The following STK32C variants were observed in gnomAD, a reference collection of about 807,000 sequenced individuals.
STK32C encodes the protein serine/threonine kinase 32C.
In STK32C, 31 loss-of-function variants were observed where a neutral mutation model predicts 56.5. That is an observed-to-expected ratio of 0.55 (90% CI 0.41 to 0.74). The LOEUF is 0.74. Among genes scored for constraint, STK32C ranks in the 30% least tolerant of loss-of-function variants. The pLI, the probability that STK32C is intolerant of heterozygous loss-of-function variation, is 0.00. For missense variants in STK32C, 544 were observed against 676.9 expected (o/e 0.80, Z 2.18); for synonymous variants, 309 against 289.4 (o/e 1.07, Z -0.69).
At chr10:132,318,286 A>G (rs2138450166) in intron 1 of STK32C, among the ~76,000 whole-genome samples, 1 of 149,444 alleles carries the variant, frequency 6.7e-6, no homozygotes, top group Non-Finnish European at 1.5e-5. Context: ...AGAGAGAGAG[A>G]GAGAGAAAGA....
chr10:132,256,060 C>T (rs1320741009), intron 1 of STK32C, among the ~76,000 whole-genome samples: 3 of 152,214 alleles, frequency 2.0e-5, no homozygotes, highest in South Asian at 2.1e-4. Flanking sequence ...CTTCCAGCCT[C>T]GGGGAGCCAA....
chr10:132,258,410 C>T (rs1290530707), intron 1 of STK32C, among the ~76,000 whole-genome samples: 1 of 152,246 alleles, frequency 6.6e-6, no homozygotes, highest in Non-Finnish European at 1.5e-5. Flanking sequence ...GCCCTGGCCG[C>T]CCCCCATCAC....
intron 1 of STK32C, among the ~76,000 whole-genome samples, chr10:132,286,368 C>T (rs2065404678): frequency 6.6e-6 from 1 of 152,190 alleles, no homozygotes. Flanking sequence ...TGGAAAAACA[C>T]CACCAACCTT....
At chr10:132,218,403 C>G (rs1193455771) in intron 10 of STK32C, among the ~76,000 whole-genome samples, 1 of 152,048 alleles carries the variant, frequency 6.6e-6, no homozygotes, top group Non-Finnish European at 1.5e-5. Context: ...AATTTTAAAA[C>G]ATTTGGATAG....
chr10:132,242,611 G>A (rs1002130034), intron 2 of STK32C, among the ~76,000 whole-genome samples: 14 of 152,054 alleles, frequency 9.2e-5, no homozygotes, highest in Admixed American at 5.2e-4. Flanking sequence ...CTGCTTCTCC[G>A]AGGGCCCTGT....
At chr10:132,324,285 G>A (rs971333840) in exon 2 of STK32C, 20 of 779,602 alleles carry the variant, frequency 2.6e-5, no homozygotes, top group Non-Finnish European at 4.5e-5. Context: ...CTTTTTCATG[G>A]CAGCCTGAAG....
intron 1 of STK32C, among the ~76,000 whole-genome samples, chr10:132,254,106 G>A (rs1001484680): frequency 5.3e-5 from 8 of 152,162 alleles, no homozygotes; most frequent in African/African-American, 9.7e-5. Flanking sequence ...TCAGGAGATC[G>A]AGACCATCCT....
downstream of STK32C, among the ~76,000 whole-genome samples, chr10:132,321,931 TG>T (rs1426243781): frequency 6.6e-6 from 1 of 152,176 alleles, no homozygotes; most frequent in Non-Finnish European, 1.5e-5. Context: ...GCTTCTCTAC[TG>T]GAGTCCAAAG....
intron 1 of STK32C, among the ~76,000 whole-genome samples, chr10:132,291,164 A>T (rs748096616): frequency 6.6e-6 from 1 of 152,256 alleles, no homozygotes; most frequent in Non-Finnish European, 1.5e-5. Context: ...TGAACCTTCC[A>T]ATTAGCTCGG....
intron 1 of STK32C, among the ~76,000 whole-genome samples, chr10:132,305,181 G>T (rs1410341018): frequency 1.3e-5 from 2 of 152,206 alleles, no homozygotes; most frequent in Non-Finnish European, 2.9e-5. Flanking sequence ...GTGAGGGGCT[G>T]AGGGGAAGGA....
chr10:132,265,154 GAGC>G lies in STK32C; in HGVS notation c.263-19202_263-19200del, dbSNP rs1565125691. Among the ~76,000 whole-genome samples, 173 of 138,992 alleles carry G rather than the reference GAGC, an allele frequency of 1.2e-3. 3 individuals carry two copies. The highest frequency in any genetic ancestry group is 4.1e-3 in the African/African-American group (160 of 38,704). The allele number at this position is 138,992 out of a possible 152,430, so 91.2% of individuals were successfully genotyped here. A position where few individuals can be genotyped will look rare whatever the true frequency, so the allele number is the denominator to read the frequency against. ...AAGGGCAGTGAGGTGGGCTCTGGGG[GAGC>G]TGCCAGGGCGGCGAGGTGGCTCTGG... is the stretch of plus-strand genomic sequence containing the variant. On this transcript the variant is annotated intron_variant, in intron 1 of 11. Transcript: ENST00000298630.
intron 1 of STK32C, among the ~76,000 whole-genome samples, chr10:132,260,379 G>A (rs1423468285): frequency 1.3e-5 from 2 of 152,022 alleles, no homozygotes; most frequent in East Asian, 3.9e-4. Context: ...AGGAGGCCAA[G>A]CCGGAGCCAG....
At chr10:132,328,978 C>T (rs181065357) in intron 1 of STK32C, among the ~76,000 whole-genome samples, 2 of 152,294 alleles carry the variant, frequency 1.3e-5, no homozygotes, top group African/African-American at 4.8e-5. Flanking sequence ...AGAACATAAG[C>T]CCCCTCTGCA....
rs74161742 is a variant in STK32C, at chr10:132,226,815, G to A, written c.624C>T (p.Arg208=). The change falls in exon 4 of 12, where the codon CGC becomes CGT. Residue 208 remains arginine (R), a synonymous_variant. Coordinates refer to ENST00000298630, the MANE Select transcript of STK32C (RefSeq NM_173575.4). The part of the protein sequence containing the change: ...CEMALALDYL[R]GQHIIHRDVK... Reference sequence around the variant, plus strand: ...CACACCTGTGGATGATGTGCTGGCCGCGCAGGTAGTCCAGAGCCAGTGCCA... The same window carrying A: ...CACACCTGTGGATGATGTGCTGGCCACGCAGGTAGTCCAGAGCCAGTGCCA... 5.0e-3 allele frequency: 8,009 copies of A among 1,612,986 alleles called. 320 individuals carry two copies. In the African/African-American group the frequency reaches 0.089, roughly 18 times the overall value.
intron 1 of STK32C, among the ~76,000 whole-genome samples, chr10:132,285,892 C>T (rs1431517970): frequency 2.6e-5 from 4 of 152,212 alleles, no homozygotes; most frequent in South Asian, 2.1e-4. Context: ...GAGGCCGAGG[C>T]GGGCAGATCA....
chr10:132,225,985 G>A (rs565387380), intron 4 of STK32C, among the ~76,000 whole-genome samples: 9 of 152,200 alleles, frequency 5.9e-5, no homozygotes, highest in South Asian at 4.1e-4. Context: ...CAGCCACTTC[G>A]TTCCCTGTGG....
At chr10:132,268,539 T>TTG (rs56672946) in intron 1 of STK32C, among the ~76,000 whole-genome samples, 4,157 of 111,366 alleles carry the variant, frequency 0.037, 287 homozygotes, top group African/African-American at 0.13. Context: ...ATGCGTCACA[T>TTG]TGTGTGTGTG....
intron 10 of STK32C, among the ~76,000 whole-genome samples, chr10:132,212,545 G>A (rs116203447): frequency 1.3e-5 from 2 of 152,208 alleles, no homozygotes; most frequent in South Asian, 2.1e-4. Context: ...AGCAGCCAAG[G>A]AGGAAACAGC....
intron 1 of STK32C, among the ~76,000 whole-genome samples, chr10:132,277,185 G>C (rs890628663): frequency 6.6e-6 from 1 of 152,232 alleles, no homozygotes; most frequent in Non-Finnish European, 1.5e-5. Context: ...GTGGATTCTG[G>C]GCTGCGTGTC....
Sources: allele counts gnomAD v4.1 joint callset (sites outside exome capture counted in the v4.1 genomes callset), GRCh38; gene constraint gnomAD v4.1.1; transcripts MANE v1.5; gene names NCBI Gene and HGNC (gene_info 2026-07-23, HGNC 2026-07-21).